PBX1: variants seen among roughly 807,000 people sequenced by gnomAD.
PBX1 encodes pre-B-cell leukemia transcription factor 1.
In PBX1, 6 loss-of-function variants were observed where a neutral mutation model predicts 53.4. That is an observed-to-expected ratio of 0.11 (90% CI 0.06 to 0.22). PBX1 has a LOEUF of 0.22. Ranked by LOEUF, PBX1 falls within the 10% of genes least tolerant of loss-of-function variation. The pLI, the probability that PBX1 is intolerant of heterozygous loss-of-function variation, is 1.00. For synonymous variants in PBX1, 204 were observed against 212.3 expected (o/e 0.96, Z 0.34); for missense variants, 251 against 551.4 (o/e 0.46, Z 5.46).
intron 2 of PBX1, among the ~76,000 whole-genome samples, chr1:164,702,557 C>CT (rs1663184326): frequency 6.6e-6 from 1 of 152,288 alleles, no homozygotes; most frequent in East Asian, 1.9e-4. Flanking sequence ...ACACCATAAT[C>CT]TAAGAATCAC....
intron 2 of PBX1, among the ~76,000 whole-genome samples, chr1:164,739,988 G>T (rs1179081601): frequency 6.6e-6 from 1 of 152,154 alleles, no homozygotes; most frequent in Non-Finnish European, 1.5e-5. Context: ...GTCTCTTTAT[G>T]TAGGAAGATA....
intron 2 of PBX1, among the ~76,000 whole-genome samples, chr1:164,668,316 C>A (rs1489846789): frequency 2.6e-5 from 4 of 152,136 alleles, no homozygotes; most frequent in African/African-American, 9.7e-5. Context: ...CCCACCAGAC[C>A]CGATTGTGTC....
At chr1:164,698,886 A>C (rs1021762387) in intron 2 of PBX1, among the ~76,000 whole-genome samples, 1 of 152,182 alleles carries the variant, frequency 6.6e-6, no homozygotes, top group Admixed American at 6.5e-5. Context: ...TCCATTTTAC[A>C]TGTGAGGACA....
At chr1:164,650,562 T>A (rs1659742606) in intron 2 of PBX1, among the ~76,000 whole-genome samples, 1 of 152,182 alleles carries the variant, frequency 6.6e-6, no homozygotes, top group South Asian at 2.1e-4. Context: ...AAGGCAGCCC[T>A]GATTTAGTCT....
chr1:164,817,519 A>G (rs904316895), intron 6 of PBX1: 1 of 152,270 alleles, frequency 6.6e-6, no homozygotes, highest in Non-Finnish European at 1.5e-5. Context: ...GTGTACAGAC[A>G]CAATGAAATG....
rs148894133 is a variant in PBX1 at position 164,727,816 on chromosome 1, C to T, written c.266-64678C>T. ...CCAGCCTCCAGATCAGCAGTCAGTA[C>T]TCCCCTCTCCCAACCTGTAGGAAGT... On this transcript the variant is annotated intron_variant, in intron 2 of 8. Transcript: ENST00000420696. 1.5e-3 allele frequency among the ~76,000 whole-genome samples: 236 copies of T among 152,340 alleles called. 1 individual carries two copies. The highest frequency in any genetic ancestry group is 5.1e-3 in the African/African-American group (210 of 41,578).
At chr1:164,695,937 T>G (rs920526139) in intron 2 of PBX1, among the ~76,000 whole-genome samples, 2 of 152,188 alleles carry the variant, frequency 1.3e-5, no homozygotes, top group Non-Finnish European at 2.9e-5. Flanking sequence ...GACTTCCCTA[T>G]GAAATGGTGG....
intron 2 of PBX1, chr1:164,884,410 G>C (rs56025812): frequency 0.17 from 47,125 of 285,268 alleles, 5,107 homozygotes; most frequent in Non-Finnish European, 0.22. Context: ...TTGAGATCTT[G>C]CCAGAGGGTG....
chr1:164,761,322 T>G (rs541885172), intron 2 of PBX1, among the ~76,000 whole-genome samples: 9 of 152,374 alleles, frequency 5.9e-5, no homozygotes, highest in Non-Finnish European at 1.0e-4. Flanking sequence ...TAGACACTAG[T>G]AGTATTTTAA....
intron 2 of PBX1, among the ~76,000 whole-genome samples, chr1:164,617,076 A>C (rs1322114036): frequency 6.6e-6 from 1 of 152,152 alleles, no homozygotes; most frequent in Non-Finnish European, 1.5e-5. Context: ...TATTTTAAAA[A>C]CTCCTCAAAT....
At chr1:164,750,650 G>C (rs923995666) in intron 2 of PBX1, among the ~76,000 whole-genome samples, 2 of 152,172 alleles carry the variant, frequency 1.3e-5, no homozygotes, top group Non-Finnish European at 2.9e-5. Flanking sequence ...CTTTCAGGAG[G>C]CTTGGGAAAA....
Position 164,870,356 on chromosome 1 carries a change from T to TCTTTCTTTCTTC in PBX1, n.258-28827_258-28826insTTTCTTCCTTTC, listed in dbSNP as rs1553255712. Among the ~76,000 whole-genome samples, 314 of 80,240 alleles carry TCTTTCTTTCTTC rather than the reference T, an allele frequency of 3.9e-3. 62 individuals carry two copies. Among genetic ancestry groups the TCTTTCTTTCTTC allele is most frequent in the East Asian group, 0.014 (32 of 2,318 alleles). The allele number at this position is 80,240 out of a possible 152,430, so 52.6% of individuals were successfully genotyped here. ...TTCTTTCTTTCTTTCTTTCTTTCTT[T>TCTTTCTTTCTTC]CTTTCGAGATGAAGTCTTGCTCTGT... On this transcript the variant is annotated intron_variant and non_coding_transcript_variant, in intron 2 of 2. Coordinates refer to the PBX1 transcript ENST00000558796.
rs147082590 is a variant in PBX1, at chr1:164,662,556, C to T, written c.265+99245C>T. 2.4e-3 allele frequency among the ~76,000 whole-genome samples: 372 copies of T among 152,128 alleles called. 1 individual carries two copies. Among genetic ancestry groups the T allele is most frequent in the Non-Finnish European group, 4.0e-3 (274 of 68,012 alleles). On this transcript the variant is annotated intron_variant, in intron 2 of 8. Transcript: ENST00000420696. The stretch of plus-strand genomic sequence containing the variant: ...TGTCAATTCCTGTTGGTTCAGGGTC[C>T]GAGGAGCCTTCTTCAGCTTGTTCCA...
At chr1:164,699,664 T>A (rs1291841750) in intron 2 of PBX1, among the ~76,000 whole-genome samples, 2 of 152,154 alleles carry the variant, frequency 1.3e-5, no homozygotes, top group Non-Finnish European at 1.5e-5. Flanking sequence ...AAATCACTTC[T>A]TTGTCTAAAA....
At chr1:164,561,677 C>A (rs569149013) in intron 1 of PBX1, among the ~76,000 whole-genome samples, 2 of 152,260 alleles carry the variant, frequency 1.3e-5, no homozygotes, top group South Asian at 2.1e-4. Context: ...TTCAGTCTCT[C>A]TTCTTTTGTG....
At chr1:164,575,608 T>C (rs1571249610) in intron 2 of PBX1, among the ~76,000 whole-genome samples, 1 of 152,122 alleles carries the variant, frequency 6.6e-6, no homozygotes, top group South Asian at 2.1e-4. Context: ...TTGTCTTTTA[T>C]CCCTAACAAA....
intron 2 of PBX1, among the ~76,000 whole-genome samples, chr1:164,754,508 G>A (rs1364320874): frequency 5.3e-5 from 8 of 152,176 alleles, no homozygotes; most frequent in Non-Finnish European, 5.9e-5. Flanking sequence ...TGACTGGTTT[G>A]TTTCAACACG....
intron 4 of PBX1, 117 bp from the exon 5 acceptor site, chr1:164,807,425 T>A: frequency 7.6e-7 from 1 of 1,314,922 alleles, no homozygotes; most frequent in Non-Finnish European, 1.0e-6. Context: ...GTAAATCTGC[T>A]CCAAATTCAC....
At chr1:164,712,943 C>G (rs974940025) in intron 2 of PBX1, among the ~76,000 whole-genome samples, 2 of 152,180 alleles carry the variant, frequency 1.3e-5, no homozygotes, top group Admixed American at 6.5e-5. Flanking sequence ...TTCATGGCAT[C>G]CCTCCAGAAT....
Sources: gnomAD v4.1 joint callset for allele counts (sites outside exome capture counted in the v4.1 genomes callset) on GRCh38, gnomAD v4.1.1 for gene constraint, MANE v1.5 for transcripts, NCBI Gene and HGNC (gene_info 2026-07-23, HGNC 2026-07-21) for gene names.